The following FRY variants were observed in gnomAD, a reference collection of about 807,000 sequenced individuals.
FRY encodes protein furry homolog.
Under a neutral mutation model 348.4 loss-of-function variants are expected in FRY, and 128 were observed. The ratio of observed to expected loss-of-function variants is 0.37; its 90% CI spans 0.32 to 0.43. The LOEUF (loss-of-function observed/expected upper bound fraction) is 0.43, where lower values mean the gene tolerates loss of function less well. Among genes scored for constraint, FRY ranks in the 20% least tolerant of loss-of-function variants. FRY has a pLI of 1.00. For synonymous variants in FRY, 1,370 were observed against 1,374.7 expected (o/e 1.00, Z 0.08); for missense variants, 2,736 against 3,695.2 (o/e 0.74, Z 6.73).
At chr13:32,273,921 C>G (rs1888351025) in intron 55 of FRY, among the ~76,000 whole-genome samples, 1 of 152,120 alleles carries the variant, frequency 6.6e-6, no homozygotes, top group Admixed American at 6.5e-5. Flanking sequence ...CCAAAATGCT[C>G]TAAAATCTGA....
At chr13:32,287,851 C>T (rs1263594182) in intron 58 of FRY, 1 of 1,348,284 alleles carries the variant, frequency 7.4e-7, no homozygotes, top group Non-Finnish European at 9.9e-7. Flanking sequence ...TTTCCTGTGC[C>T]ATGCTTGCTG....
intron 1 of FRY, among the ~76,000 whole-genome samples, chr13:32,065,977 C>T (rs1048702849): frequency 6.6e-6 from 1 of 152,100 alleles, no homozygotes; most frequent in Non-Finnish European, 1.5e-5. Context: ...AATCAGTATG[C>T]ATTCTAGGAA....
chr13:32,211,118 G>A (rs1884659951), intron 34 of FRY, 84 bp downstream of exon 34: 2 of 1,290,892 alleles, frequency 1.5e-6, no homozygotes, highest in African/African-American at 1.5e-5. Flanking sequence ...ATGAGAATGT[G>A]TTTGTTACTT....
chr13:32,144,279 A>T (rs182861990), intron 11 of FRY, among the ~76,000 whole-genome samples: 30 of 147,724 alleles, frequency 2.0e-4, no homozygotes, highest in African/African-American at 7.4e-4. Context: ...TTTTTTCTCC[A>T]TGAAGCTAAA....
intron 28 of FRY, among the ~76,000 whole-genome samples, chr13:32,192,665 G>A (rs1362931352): frequency 6.6e-6 from 1 of 150,808 alleles, no homozygotes. Context: ...GAAGAAGCCA[G>A]AATCTTGCCT....
At chr13:32,167,306 A>G (rs138596299) in intron 17 of FRY, among the ~76,000 whole-genome samples, 17 of 152,304 alleles carry the variant, frequency 1.1e-4, no homozygotes, top group East Asian at 7.7e-4. Context: ...TCCAAGATCA[A>G]GGTGTCAGCA....
At position 32,234,622 on chromosome 13, in the gene FRY, T is replaced by G; in HGVS notation, c.5576T>G (p.Leu1859Arg). Residue 1859 changes from leucine to arginine, a missense_variant, in exon 42 of 61, where the codon CTC becomes CGC. Transcript: ENST00000542859. ...AGTGAAGTTGCATTGCAGACAGCCC[T>G]CGCAAGCTCTTCAAGGCACTATGCT... ...QLSEVALQTA[L>R]ASSSRHYAGR... 1 of 1,614,160 alleles carries G rather than the reference T, an allele frequency of 6.2e-7. No homozygotes were observed. Among genetic ancestry groups the G allele is most frequent in the Non-Finnish European group, 8.5e-7 (1 of 1,180,014 alleles).
intron 56 of FRY, among the ~76,000 whole-genome samples, 168 bp from the exon 57 acceptor site, chr13:32,276,296 G>A (rs1024026330): frequency 6.6e-6 from 1 of 152,206 alleles, no homozygotes; most frequent in African/African-American, 2.4e-5. Flanking sequence ...GGATTCAATT[G>A]TAATTGCAGC....
chr13:32,158,951 CAAAAAAAAAAAA>C (rs35585320), intron 16 of FRY, among the ~76,000 whole-genome samples: 2 of 32,772 alleles, frequency 6.1e-5, no homozygotes, highest in Non-Finnish European at 5.7e-5. Context: ...GCTGTTTCCT[CAAAAAAAAAAAA>C]AAAAAAAAAA....
chr13:32,130,293 G>A (rs1026890970), intron 7 of FRY, among the ~76,000 whole-genome samples: 3 of 151,866 alleles, frequency 2.0e-5, no homozygotes, highest in African/African-American at 7.3e-5. Context: ...CACCCACTTC[G>A]GCCTCCCAAA....
intron 3 of FRY, among the ~76,000 whole-genome samples, chr13:32,107,083 G>A (rs537278700): frequency 4.6e-5 from 7 of 152,304 alleles, no homozygotes; most frequent in South Asian, 4.1e-4. Context: ...AGGGCCTGGC[G>A]TAATGGCTCA....
chr13:32,230,929 T>C (rs1179852530), intron 40 of FRY, among the ~76,000 whole-genome samples: 1 of 152,238 alleles, frequency 6.6e-6, no homozygotes, highest in Non-Finnish European at 1.5e-5. Context: ...GCTTTTTTTA[T>C]ATAATTGTTG....
chr13:32,077,275 T>G (rs954375618), intron 1 of FRY, among the ~76,000 whole-genome samples: 1 of 152,128 alleles, frequency 6.6e-6, no homozygotes, highest in Non-Finnish European at 1.5e-5. Context: ...AAAAGTGTTA[T>G]GATTAAAGCC....
intron 2 of FRY, among the ~76,000 whole-genome samples, chr13:32,092,374 T>C (rs1876371422): frequency 2.0e-5 from 3 of 152,244 alleles, no homozygotes; most frequent in Non-Finnish European, 4.4e-5. Context: ...TGGCCATCTT[T>C]CTTTCCTCCT....
rs1221210269 is a variant in FRY, at chr13:32,239,358, T to C, written c.6516+9T>C. 1 of 1,529,158 alleles carries C rather than the reference T, an allele frequency of 6.5e-7. No homozygotes were observed. Among genetic ancestry groups the C allele is most frequent in the Admixed American group, 1.7e-5 (1 of 59,950 alleles). 94.7% of individuals were successfully genotyped at this position (1,529,158 alleles called of 1,614,324 possible). ...CCGAAAGGATTGCTCAGGTATGAGT[T>C]ACAGTTCCACACTCAGGCAGATCCA... On this transcript the variant is annotated intron_variant, in intron 45 of 60. Transcript: ENST00000542859. The surrounding 1 kb of genome is among the most constrained non-coding windows in gnomAD (Gnocchi z 4.3).
chr13:32,181,575 C>CAAAAA (rs35272711), intron 23 of FRY, among the ~76,000 whole-genome samples: 1 of 59,008 alleles, frequency 1.7e-5, no homozygotes, highest in Non-Finnish European at 3.2e-5. Flanking sequence ...ACTCCGTCAC[C>CAAAAA]AAAAAAAAAA....
chr13:32,165,858 C>G (rs1345676335), intron 17 of FRY, among the ~76,000 whole-genome samples: 1 of 152,214 alleles, frequency 6.6e-6, no homozygotes, highest in Non-Finnish European at 1.5e-5. Context: ...AAGAAGGCAG[C>G]TTTGTCCAAG....
At chr13:32,060,296 G>A (rs1277417582) in intron 1 of FRY, among the ~76,000 whole-genome samples, 1 of 152,156 alleles carries the variant, frequency 6.6e-6, no homozygotes, top group Non-Finnish European at 1.5e-5. Flanking sequence ...TTTGAAGGCA[G>A]AACACTTAAC....
chr13:32,072,482 T>A (rs1017563955), intron 1 of FRY, among the ~76,000 whole-genome samples: 2 of 152,200 alleles, frequency 1.3e-5, no homozygotes, highest in African/African-American at 4.8e-5. Context: ...CAGAAGAAAA[T>A]AATTCTTTCT....
Sources: gnomAD v4.1 joint callset for allele counts (sites outside exome capture counted in the v4.1 genomes callset) on GRCh38, gnomAD v4.1.1 for gene constraint, Gnocchi (gnomAD v3.1) non-coding constraint, MANE v1.5 for transcripts, NCBI Gene and HGNC (gene_info 2026-07-23, HGNC 2026-07-21) for gene names.